The following ARHGEF7 variants were observed in gnomAD, a reference collection of about 807,000 sequenced individuals.
The protein encoded by ARHGEF7 is PAK-interacting exchange factor beta.
Under a neutral mutation model 109.8 loss-of-function variants are expected in ARHGEF7, and 33 were observed. That is an observed-to-expected ratio of 0.30 (90% CI 0.23 to 0.40). The LOEUF (loss-of-function observed/expected upper bound fraction) is 0.40, where lower values mean the gene tolerates loss of function less well. Among genes scored for constraint, ARHGEF7 ranks in the 10% least tolerant of loss-of-function variants. The probability of loss-of-function intolerance (pLI) is 1.00; values close to 1 mark genes in which losing one functional copy is unlikely to be tolerated. For synonymous variants in ARHGEF7, 458 were observed against 424.6 expected, an observed-to-expected ratio of 1.08 and a Z score of -0.97; for missense variants, 938 against 1,098.5, an observed-to-expected ratio of 0.85 and a Z score of 2.07.
Position 111,221,336 on chromosome 13 carries a change from T to G in ARHGEF7, c.670+3456T>G, listed in dbSNP as rs1321711002. Among the ~76,000 whole-genome samples, 2 of 13,628 alleles carry G rather than the reference T, an allele frequency of 1.5e-4. 1 individual carries two copies. Among genetic ancestry groups the G allele is most frequent in the Admixed American group, 3.1e-3 (2 of 638 alleles). 8.9% of individuals were successfully genotyped at this position (13,628 alleles called of 152,430 possible). ...CTATATATAGATATATATGTCTATA[T>G]ATATCTATATATATGTCTATATATA... On this transcript the variant is annotated intron_variant, in intron 5 of 21. Coordinates refer to ENST00000646102, the MANE Select transcript of ARHGEF7 (RefSeq NM_001354046.2).
In ARHGEF7 at chr13:111,267,707, GA is replaced by G. The variant is rs1567017480; in HGVS notation, c.1073+38del. On this transcript the variant is annotated intron_variant, in intron 9 of 21. Coordinates refer to ENST00000646102, the MANE Select transcript of ARHGEF7 (RefSeq NM_001354046.2). ...AGGCACCTTGGCAACAGGGAGGGTG[GA>G]TGGCTCTGTGTCCTTCAAATAGTGC... 2.5e-6 allele frequency: 4 copies of G among 1,610,710 alleles called. No homozygotes were observed. In the African/African-American group the frequency reaches 4.0e-5, roughly 16 times the overall value.
At chr13:111,165,224 ACTTTCTAGATGAG>A (rs1161004811) in intron 2 of ARHGEF7, among the ~76,000 whole-genome samples, 1 of 152,180 alleles carries the variant, frequency 6.6e-6, no homozygotes, top group African/African-American at 2.4e-5. Context: ...TGATGCAGCT[ACTTTCTAGATGAG>A]CTACCAGTTT....
chr13:111,284,793 G>A (rs909945759), intron 16 of ARHGEF7, among the ~76,000 whole-genome samples: 8 of 152,104 alleles, frequency 5.3e-5, no homozygotes, highest in South Asian at 2.1e-4. Context: ...CGTGGAGGCC[G>A]CTCTGCAGCC....
chr13:111,221,525 A>ATATATATCTATATATAGATACATATC (rs1566876215), intron 5 of ARHGEF7, among the ~76,000 whole-genome samples: 5 of 33,414 alleles, frequency 1.5e-4, no homozygotes, highest in Admixed American at 4.2e-4. Flanking sequence ...ATATATATCT[A>ATATATATCTATATATAGATACATATC]TATATATCTA....
intron 8 of ARHGEF7, among the ~76,000 whole-genome samples, chr13:111,247,924 C>T (rs2089167440): frequency 6.6e-6 from 1 of 152,178 alleles, no homozygotes; most frequent in Non-Finnish European, 1.5e-5. Context: ...TCGACCTGGC[C>T]CTAACCTCTC....
rs1214653122 is a variant in ARHGEF7, at chr13:111,115,781, T to C, written c.165+90T>C. Reference sequence around the variant, plus strand: ...GCGGAGCACCTGAGGCCGGCCGCGCTCGGGAAACCCGTGCGCCCTCCTTTG... The same window carrying C: ...GCGGAGCACCTGAGGCCGGCCGCGCCCGGGAAACCCGTGCGCCCTCCTTTG... On this transcript the variant is annotated intron_variant, in intron 1 of 21. Coordinates refer to ENST00000646102, the MANE Select transcript of ARHGEF7 (RefSeq NM_001354046.2). 1.4e-5 allele frequency: 10 copies of C among 715,158 alleles called. No individual in the cohort carries two copies. In the African/African-American group the frequency reaches 1.6e-4, roughly 11 times the overall value. The allele number at this position is 715,158 out of a possible 1,614,324, so 44.3% of individuals were successfully genotyped here. A position where few individuals can be genotyped will look rare whatever the true frequency, so the allele number is the denominator to read the frequency against.
intron 2 of ARHGEF7, among the ~76,000 whole-genome samples, chr13:111,199,857 G>A (rs1267171448): frequency 1.3e-5 from 2 of 152,152 alleles, no homozygotes; most frequent in East Asian, 3.9e-4. Flanking sequence ...ACAGCAGTGG[G>A]GAACGGGCAC....
Position 111,130,276 on chromosome 13 carries a change from C to G in ARHGEF7, c.165+14585C>G, listed in dbSNP as rs190744347. Reference sequence around the variant, plus strand: ...CATTACCTTGCCTCTTGTGACAGTTCCATCAGGTTGCACTATGTCAAAACT... The same window carrying G: ...CATTACCTTGCCTCTTGTGACAGTTGCATCAGGTTGCACTATGTCAAAACT... On this transcript the variant is annotated intron_variant, in intron 1 of 21. Transcript: ENST00000646102. Among the ~76,000 whole-genome samples the G allele has an allele frequency of 1.8e-3, 277 of 152,258 alleles. 2 individuals carry two copies. Among genetic ancestry groups the G allele is most frequent in the African/African-American group, 6.4e-3 (264 of 41,540 alleles).
rs150837820 is a variant in ARHGEF7, at chr13:111,212,195, G to A, written c.468+2193G>A. Among the ~76,000 whole-genome samples, 4 of 152,292 alleles carry A rather than the reference G, an allele frequency of 2.6e-5. No individual in the cohort carries two copies. The South Asian group carries it at 8.3e-4, about 32-fold the overall frequency. On this transcript the variant is annotated intron_variant, in intron 4 of 21. Coordinates refer to ENST00000646102, the MANE Select transcript of ARHGEF7 (RefSeq NM_001354046.2). ...GCAGGCTTGAACAGTTTGATGTTGC[G>A]TTTACTGCTTTGCACTGCAGTGGAG...
intron 2 of ARHGEF7, among the ~76,000 whole-genome samples, chr13:111,175,915 G>A (rs150428863): frequency 2.5e-3 from 383 of 152,250 alleles, no homozygotes; most frequent in African/African-American, 8.1e-3. Context: ...TTTACATGGC[G>A]GCAGGAAGGA....
At chr13:111,243,269 A>G (rs963645218) in intron 6 of ARHGEF7, among the ~76,000 whole-genome samples, 1 of 152,214 alleles carries the variant, frequency 6.6e-6, no homozygotes, top group African/African-American at 2.4e-5. Flanking sequence ...GTTAAAATAC[A>G]TAGATTTCAA....
Position 111,185,961 on chromosome 13 carries a change from CGTGTGTGTGTGT to C in ARHGEF7, c.253-19295_253-19284del, listed in dbSNP as rs71127998. Among the ~76,000 whole-genome samples the C allele has an allele frequency of 1.6e-3, 223 of 135,870 alleles. No individual in the cohort carries two copies. The East Asian group carries it at 0.025, about 15-fold the overall frequency. 89.1% of individuals were successfully genotyped at this position (135,870 alleles called of 152,430 possible). On this transcript the variant is annotated intron_variant, in intron 2 of 21. Coordinates refer to ENST00000646102, the MANE Select transcript of ARHGEF7 (RefSeq NM_001354046.2). ...TTTGTCACACTGTCTTTTGGGAGCT[CGTGTGTGTGTGT>C]GTGTGTGTGTGTGTGTGTGTGTGTG...
At chr13:111,155,036 A>G (rs1162470419) in intron 2 of ARHGEF7, among the ~76,000 whole-genome samples, 13 of 152,354 alleles carry the variant, frequency 8.5e-5, no homozygotes, top group Admixed American at 7.2e-4. Flanking sequence ...ACAACACAGT[A>G]TAATGATTAT....
intron 10 of ARHGEF7, 44 bp from the exon 11 acceptor site, chr13:111,274,687 G>C (rs764030064): frequency 7.9e-7 from 1 of 1,264,732 alleles, no homozygotes; most frequent in South Asian, 1.6e-5. Flanking sequence ...TTTAAGAAAA[G>C]CTTTTCCTTA....
At chr13:111,294,964 T>G in intron 19 of ARHGEF7, 1 of 985,626 alleles carries the variant, frequency 1.0e-6, no homozygotes, top group Non-Finnish European at 1.2e-6. Context: ...TATAGTGGTA[T>G]AAGATCTTGA....
At chr13:111,193,596 A>G (rs1375619254) in intron 2 of ARHGEF7, among the ~76,000 whole-genome samples, 1 of 152,146 alleles carries the variant, frequency 6.6e-6, no homozygotes, top group African/African-American at 2.4e-5. Flanking sequence ...CTGTATACAC[A>G]TTTATTCTTT....
chr13:111,188,774 A>T (rs1193751300), intron 2 of ARHGEF7, among the ~76,000 whole-genome samples: 1 of 152,170 alleles, frequency 6.6e-6, no homozygotes, highest in Non-Finnish European at 1.5e-5. Flanking sequence ...TACTTTTATC[A>T]TGTTGTGTTA....
intron 4 of ARHGEF7, among the ~76,000 whole-genome samples, chr13:111,215,998 G>A (rs2083084655): frequency 1.3e-5 from 2 of 152,152 alleles, no homozygotes; most frequent in African/African-American, 4.8e-5. Context: ...TTGTATATCT[G>A]CAGGTGTCTG....
At chr13:111,295,236 A>G (rs1315415373) in intron 19 of ARHGEF7, 20 of 981,942 alleles carry the variant, frequency 2.0e-5, no homozygotes, top group African/African-American at 5.3e-5. Flanking sequence ...GGGGAATAGC[A>G]TAGTTTGCAG....
Sources: allele counts gnomAD v4.1 joint callset (sites outside exome capture counted in the v4.1 genomes callset), GRCh38; gene constraint gnomAD v4.1.1; transcripts MANE v1.5; gene names NCBI Gene and HGNC (gene_info 2026-07-23, HGNC 2026-07-21).